The following HDAC4 variants were observed in gnomAD, a reference collection of about 807,000 sequenced individuals.
HDAC4 encodes the protein histone deacetylase A.
In HDAC4, 16 loss-of-function variants were observed where a neutral mutation model predicts 135.1. That is an observed-to-expected ratio of 0.12 (90% CI 0.08 to 0.18). The LOEUF (loss-of-function observed/expected upper bound fraction) is 0.18. HDAC4 is among the 10% of genes least tolerant of loss of function. The probability of loss-of-function intolerance (pLI) is 1.00; values close to 1 mark genes in which losing one functional copy is unlikely to be tolerated. For synonymous variants in HDAC4, 685 were observed against 653.4 expected (o/e 1.05, Z -0.74); for missense variants, 1,143 against 1,511.8 (o/e 0.76, Z 4.05).
chr2:239,395,674 G>A lies in HDAC4; in HGVS notation c.-220+5304C>T, dbSNP rs1043859088. On this transcript the variant is annotated intron_variant, in intron 1 of 26. Transcript: ENST00000543185. The stretch of plus-strand genomic sequence containing the variant: ...ACCCATGTACTTAAAACCAGGAGTG[G>A]CCCGGGGACTGCTCCAGACCCCGCC... Among the ~76,000 whole-genome samples, 18 of 152,078 alleles carry A rather than the reference G, an allele frequency of 1.2e-4. 1 individual carries two copies. Among genetic ancestry groups the A allele is most frequent in the Non-Finnish European group, 2.1e-4 (14 of 68,014 alleles).
chr2:239,100,268 CCTT>C (rs1156458323), intron 16 of HDAC4, among the ~76,000 whole-genome samples: 2 of 152,232 alleles, frequency 1.3e-5, no homozygotes. Flanking sequence ...TGAGCTTTGG[CCTT>C]CTTCTCCATC....
At chr2:239,264,319 C>A (rs2049578916) in intron 2 of HDAC4, among the ~76,000 whole-genome samples, 1 of 152,220 alleles carries the variant, frequency 6.6e-6, no homozygotes, top group Non-Finnish European at 1.5e-5. Flanking sequence ...GAAGCACAGG[C>A]ATTTCCAAAT....
At chr2:239,104,934 A>G (rs983219052) in intron 15 of HDAC4, among the ~76,000 whole-genome samples, 3 of 152,236 alleles carry the variant, frequency 2.0e-5, no homozygotes, top group Non-Finnish European at 4.4e-5. Flanking sequence ...CAAAGCCCCA[A>G]AAGCTCTGCG....
rs191900077 is a variant in HDAC4, at chr2:239,184,253, G to A, written c.339+5580C>T. On this transcript the variant is annotated intron_variant, in intron 4 of 26. Coordinates refer to ENST00000543185, the MANE Select transcript of HDAC4 (RefSeq NM_001378414.1). ...GATGTGCAACCTACATACAAAAGGTGCCCTGTACCTGCCCTGGAGGCTGTG... is the reference window on the plus strand; with the variant it reads ...GATGTGCAACCTACATACAAAAGGTACCCTGTACCTGCCCTGGAGGCTGTG... Among the ~76,000 whole-genome samples the A allele has an allele frequency of 1.4e-3, 208 of 152,298 alleles. 1 individual carries two copies. Among genetic ancestry groups the A allele is most frequent in the African/African-American group, 4.6e-3 (190 of 41,556 alleles).
chr2:239,278,552 G>A, intron 2 of HDAC4, among the ~76,000 whole-genome samples: 1 of 152,162 alleles, frequency 6.6e-6, no homozygotes. Flanking sequence ...ATGAGCAGCT[G>A]TAGTCCCAGC....
intron 8 of HDAC4, among the ~76,000 whole-genome samples, chr2:239,140,725 A>G (rs1007536878): frequency 6.6e-6 from 1 of 152,216 alleles, no homozygotes; most frequent in African/African-American, 2.4e-5. Flanking sequence ...AGGAAGGGAC[A>G]TGGTGGGGGC....
chr2:239,226,856 CAGCCACAGGGTGGCATTTCAG>C, intron 3 of HDAC4, among the ~76,000 whole-genome samples: 1 of 152,294 alleles, frequency 6.6e-6, no homozygotes, highest in South Asian at 2.1e-4. Flanking sequence ...TCCCACCTGC[CAGCCACAGGGTGGCATTTCAG>C]AGCCACAGGG....
At chr2:239,094,970 A>T (rs768775216) in intron 17 of HDAC4, 40 bp downstream of exon 17, 1 of 1,613,662 alleles carries the variant, frequency 6.2e-7, no homozygotes, top group Non-Finnish European at 8.5e-7. Flanking sequence ...GGGACTCGAG[A>T]AGAAACAGGA....
rs184426149 is a variant in HDAC4 at position 239,125,222 on chromosome 2, G to A, written c.1533+1234C>T. 2.0e-4 allele frequency among the ~76,000 whole-genome samples: 31 copies of A among 152,374 alleles called. 1 individual carries two copies. In the East Asian group the frequency reaches 5.6e-3, roughly 27 times the overall value. On this transcript the variant is annotated intron_variant, in intron 12 of 26. Transcript: ENST00000543185. ...TGGATCATGTGGGTGGATTTGGCATGAACGGCTGAACACCGTCTGTTGGTG... is the reference window on the plus strand; with the variant it reads ...TGGATCATGTGGGTGGATTTGGCATAAACGGCTGAACACCGTCTGTTGGTG...
At chr2:239,327,595 C>A (rs1179386831) in intron 2 of HDAC4, among the ~76,000 whole-genome samples, 1 of 152,230 alleles carries the variant, frequency 6.6e-6, no homozygotes, top group Admixed American at 6.5e-5. Context: ...CAAGTCGAAA[C>A]TGCAATCTTG....
intron 1 of HDAC4, among the ~76,000 whole-genome samples, chr2:239,369,152 A>G (rs965614704): frequency 6.6e-6 from 1 of 152,182 alleles, no homozygotes; most frequent in Non-Finnish European, 1.5e-5. Flanking sequence ...ACAGTCTCCA[A>G]GAAAGGAGGG....
intron 1 of HDAC4, among the ~76,000 whole-genome samples, chr2:239,368,655 G>A (rs760175907): frequency 1.2e-4 from 19 of 152,080 alleles, no homozygotes; most frequent in Non-Finnish European, 2.5e-4. Context: ...GGTCAGGACC[G>A]TCCTCTCCAT....
intron 4 of HDAC4, among the ~76,000 whole-genome samples, chr2:239,181,785 A>G (rs1430611833): frequency 2.0e-5 from 3 of 152,194 alleles, no homozygotes; most frequent in Non-Finnish European, 4.4e-5. Context: ...CCTGCCCCCA[A>G]GGGTTCCTGT....
chr2:239,140,640 C>T (rs141443313), intron 8 of HDAC4, among the ~76,000 whole-genome samples: 5 of 152,336 alleles, frequency 3.3e-5, no homozygotes, highest in African/African-American at 4.8e-5. Flanking sequence ...GAACTCTAGG[C>T]GTCTGCTGTT....
chr2:239,284,092 G>A (rs1575607691), intron 2 of HDAC4, among the ~76,000 whole-genome samples: 1 of 152,244 alleles, frequency 6.6e-6, no homozygotes, highest in Non-Finnish European at 1.5e-5. Context: ...TCCACGCCCA[G>A]TGGCTTTCCA....
chr2:239,389,570 TG>T (rs1181862610), intron 1 of HDAC4, among the ~76,000 whole-genome samples: 1 of 152,094 alleles, frequency 6.6e-6, no homozygotes, highest in Non-Finnish European at 1.5e-5. Context: ...GGACACAGGA[TG>T]GGGCCCACCC....
chr2:239,354,561 A>C (rs1382312762), intron 1 of HDAC4, among the ~76,000 whole-genome samples: 1 of 129,564 alleles, frequency 7.7e-6, no homozygotes, highest in Admixed American at 9.0e-5. Context: ...TTAGTCTAGA[A>C]ATTTTTTTTT....
rs10182433 is a variant in HDAC4 at position 239,357,058 on chromosome 2, G to A, written c.-219-4140C>T. Reference sequence around the variant, plus strand: ...ATTCATGGAACACTCCATAAACAACGGCTGAATACACGTTATTCACGTTCT... The same window carrying A: ...ATTCATGGAACACTCCATAAACAACAGCTGAATACACGTTATTCACGTTCT... On this transcript the variant is annotated intron_variant, in intron 1 of 26. Transcript: ENST00000543185. 4.7e-3 allele frequency among the ~76,000 whole-genome samples: 715 copies of A among 152,102 alleles called. 5 individuals carry two copies. Among genetic ancestry groups the A allele is most frequent in the African/African-American group, 0.016 (682 of 41,494 alleles).
chr2:239,283,442 G>A (rs962421090), intron 2 of HDAC4, among the ~76,000 whole-genome samples: 5 of 152,180 alleles, frequency 3.3e-5, no homozygotes, highest in Admixed American at 2.6e-4. Context: ...GATCAGTGCC[G>A]ACGAGGCTGC....
Sources: allele counts gnomAD v4.1 joint callset (sites outside exome capture counted in the v4.1 genomes callset), GRCh38; gene constraint gnomAD v4.1.1; transcripts MANE v1.5; gene names NCBI Gene and HGNC (gene_info 2026-07-23, HGNC 2026-07-21).